The following FOXK2 variants were observed in gnomAD, a reference collection of about 807,000 sequenced individuals.
The protein encoded by FOXK2 is forkhead box protein K2.
FOXK2 carries 24 observed loss-of-function variants against 53.3 expected under a neutral mutation model. The ratio of observed to expected loss-of-function variants is 0.45; its 90% CI spans 0.33 to 0.63. The LOEUF is 0.63. FOXK2 is among the 30% of genes least tolerant of loss of function. The pLI, the probability that FOXK2 is intolerant of heterozygous loss-of-function variation, is 0.03. For synonymous variants in FOXK2, 505 were observed against 407.1 expected (o/e 1.24, Z -2.89); for missense variants, 952 against 910.5 (o/e 1.05, Z -0.59).
chr17:82,567,174 G>C (rs897468046), intron 2 of FOXK2, among the ~76,000 whole-genome samples: 1 of 152,022 alleles, frequency 6.6e-6, no homozygotes, highest in Admixed American at 6.6e-5. Flanking sequence ...ATGCCTTTAG[G>C]CTTCTTGGTG....
rs565126383 is a variant in FOXK2, at chr17:82,586,764, G to A, written c.1577-299G>A. On this transcript the variant is annotated intron_variant, in intron 7 of 8. Transcript: ENST00000335255. ...TAAAAATACAAAATCAGCTGGGCAT[G>A]GTGGCGGGTGCCTGTAATCCCAGCT... Among the ~76,000 whole-genome samples the A allele has an allele frequency of 5.3e-5, 8 of 152,232 alleles. No individual in the cohort carries two copies. In the South Asian group the frequency reaches 1.7e-3, roughly 32 times the overall value.
chr17:82,585,855 T>G, intron 6 of FOXK2, 49 bp from the exon 7 acceptor site: 1 of 1,567,766 alleles, frequency 6.4e-7, no homozygotes, highest in Non-Finnish European at 8.7e-7. Context: ...AACCTTTGTT[T>G]GTAGAAGTCA....
chr17:82,530,160 C>T (rs779471534), intron 1 of FOXK2, among the ~76,000 whole-genome samples: 24 of 152,138 alleles, frequency 1.6e-4, no homozygotes, highest in Admixed American at 4.6e-4. Flanking sequence ...TAAGAAAACT[C>T]ATCTTTTGAC....
At chr17:82,563,048 C>T (rs918308207) in intron 1 of FOXK2, among the ~76,000 whole-genome samples, 2 of 152,108 alleles carry the variant, frequency 1.3e-5, no homozygotes, top group Admixed American at 6.6e-5. Context: ...CCCAAGTCAT[C>T]GGCCTGCCTC....
chr17:82,604,475 A>T lies in FOXK2; in HGVS notation c.*2976A>T, dbSNP rs1009185704. 6.6e-6 allele frequency: 1 copy of T among 152,628 alleles called. No homozygotes were observed. The highest frequency in any genetic ancestry group is 2.4e-5 in the African/African-American group (1 of 41,438). The allele number at this position is 152,628 out of a possible 1,614,324, so 9.5% of individuals were successfully genotyped here. ...CTGTGCTGTGTGACACAAGGAGATA[A>T]GTGACAATCTTGAAGTCCTAACTTC... On this transcript the variant is annotated 3_prime_UTR_variant, in exon 9 of 9. Transcript: ENST00000335255.
At chr17:82,550,770 G>T (rs1414686287) in intron 1 of FOXK2, among the ~76,000 whole-genome samples, 1 of 152,140 alleles carries the variant, frequency 6.6e-6, no homozygotes, top group Non-Finnish European at 1.5e-5. Flanking sequence ...CTCCCAAAGT[G>T]CTGGGATGAC....
intron 2 of FOXK2, among the ~76,000 whole-genome samples, chr17:82,565,487 CAG>C (rs1237198618): frequency 6.6e-6 from 1 of 152,212 alleles, no homozygotes; most frequent in Admixed American, 6.6e-5. Context: ...ACAAAAGACC[CAG>C]TTCAAAAACG....
At chr17:82,596,745 G>C (rs916896745) in intron 8 of FOXK2, among the ~76,000 whole-genome samples, 1 of 150,566 alleles carries the variant, frequency 6.6e-6, no homozygotes, top group Non-Finnish European at 1.5e-5. Context: ...GTTGAATCCA[G>C]AGTGTGTGGC....
chr17:82,574,841 G>A (rs1012524349), intron 4 of FOXK2, among the ~76,000 whole-genome samples: 5 of 152,174 alleles, frequency 3.3e-5, no homozygotes, highest in African/African-American at 1.2e-4. Flanking sequence ...ACATCTGAGG[G>A]TGAAATGAGA....
chr17:82,520,076 G>A lies in FOXK2; in HGVS notation c.188G>A (p.Gly63Asp). 6.5e-7 allele frequency: 1 copy of A among 1,544,464 alleles called. No homozygotes were observed. The highest frequency in any genetic ancestry group is 8.7e-7 in the Non-Finnish European group (1 of 1,147,626). The change falls in exon 1 of 9, where the codon GGC becomes GAC. Residue 63 changes from glycine to aspartate, a missense_variant. By Grantham distance (94) the Gly-to-Asp change is moderately conservative. Transcript: ENST00000335255. ...SVTIGRNSSQ[G>D]SVDVSMGHSS... is the part of the protein sequence containing the mutation. Reference sequence around the variant, plus strand: ...ACCATCGGCCGCAACTCGTCGCAGGGCTCGGTGGACGTGAGCATGGGCCAC... The same window carrying A: ...ACCATCGGCCGCAACTCGTCGCAGGACTCGGTGGACGTGAGCATGGGCCAC...
chr17:82,559,366 T>C (rs1166006028), intron 1 of FOXK2: 1 of 456,348 alleles, frequency 2.2e-6, no homozygotes, highest in Non-Finnish European at 4.4e-6. Context: ...CAGAGCCAGC[T>C]TCGTGTGCAG....
At position 82,558,903 on chromosome 17, in the gene FOXK2, C is replaced by T. The variant is rs533412306; in HGVS notation, c.420-4451C>T. 1.3e-3 allele frequency among the ~76,000 whole-genome samples: 194 copies of T among 152,178 alleles called. 1 individual carries two copies. Among genetic ancestry groups the T allele is most frequent in the African/African-American group, 4.2e-3 (176 of 41,522 alleles). On this transcript the variant is annotated intron_variant, in intron 1 of 8. Transcript: ENST00000335255. Reference sequence around the variant, plus strand: ...CTGGGACTGCAGGTGCCTGCCACCACGCCTGGCTAGTTTTTTGTGTTTTTT... The same window carrying T: ...CTGGGACTGCAGGTGCCTGCCACCATGCCTGGCTAGTTTTTTGTGTTTTTT...
At chr17:82,591,079 G>A (rs1038407226) in intron 8 of FOXK2, among the ~76,000 whole-genome samples, 1 of 152,222 alleles carries the variant, frequency 6.6e-6, no homozygotes, top group African/African-American at 2.4e-5. Context: ...GGGAGGTGGG[G>A]CTGACAGGAC....
chr17:82,577,801 G>A (rs989271680), intron 4 of FOXK2, among the ~76,000 whole-genome samples: 17 of 152,062 alleles, frequency 1.1e-4, no homozygotes, highest in Admixed American at 5.9e-4. Flanking sequence ...GCAGTGGCGC[G>A]ATCTCAGCTC....
chr17:82,586,248 G>GGTAGGCA (rs2045148006), intron 7 of FOXK2, 48 bp downstream of exon 7: 1 of 467,422 alleles, frequency 2.1e-6, no homozygotes, highest in Non-Finnish European at 3.2e-6. Context: ...GGAGGTGAAA[G>GGTAGGCA]GTGGGCCGGG....
intron 8 of FOXK2, among the ~76,000 whole-genome samples, chr17:82,591,402 C>T (rs1264637883): frequency 6.6e-6 from 1 of 152,172 alleles, no homozygotes; most frequent in East Asian, 1.9e-4. Context: ...CCTGTGTCCC[C>T]TGCTCTGCTC....
chr17:82,602,950 C>T lies in FOXK2; in HGVS notation c.*1451C>T, dbSNP rs948474773. On this transcript the variant is annotated 3_prime_UTR_variant, in exon 9 of 9. Transcript: ENST00000335255. ...TTAGAGAGGAAAAAACCTGTATTTTCCTGGTGGGATGAAATAGGGATGAAA... is the reference window on the plus strand; with the variant it reads ...TTAGAGAGGAAAAAACCTGTATTTTTCTGGTGGGATGAAATAGGGATGAAA... 2.0e-5 allele frequency: 3 copies of T among 152,352 alleles called. No individual in the cohort carries two copies. The highest frequency in any genetic ancestry group is 7.3e-5 in the African/African-American group (3 of 41,340). The allele number at this position is 152,352 out of a possible 1,614,324, so 9.4% of individuals were successfully genotyped here.
At chr17:82,542,889 G>A (rs894663510) in intron 1 of FOXK2, among the ~76,000 whole-genome samples, 9 of 152,228 alleles carry the variant, frequency 5.9e-5, no homozygotes, top group Admixed American at 4.6e-4. Context: ...GTGGTGGTGC[G>A]CACCTGTAGT....
At chr17:82,559,954 T>A (rs2044774851) in intron 1 of FOXK2, among the ~76,000 whole-genome samples, 1 of 150,508 alleles carries the variant, frequency 6.6e-6, no homozygotes, top group African/African-American at 2.4e-5. Flanking sequence ...AAGCCAGCAG[T>A]GAATGCCACT....
Sources: gnomAD v4.1 joint callset for allele counts (sites outside exome capture counted in the v4.1 genomes callset) on GRCh38, gnomAD v4.1.1 for gene constraint, MANE v1.5 for transcripts, NCBI Gene and HGNC (gene_info 2026-07-23, HGNC 2026-07-21) for gene names.